The following TMEM131 variants were observed in gnomAD, a reference collection of about 807,000 sequenced individuals.
The protein encoded by TMEM131 is 2610524E03Rik.
In TMEM131, 66 loss-of-function variants were observed where a neutral mutation model predicts 211.6. The observed-to-expected ratio is 0.31, with a 90% CI of 0.26 to 0.38. The LOEUF is 0.38. Ranked by LOEUF, TMEM131 falls within the 10% of genes least tolerant of loss-of-function variation. The probability of loss-of-function intolerance (pLI) is 1.00; values close to 1 mark genes in which losing one functional copy is unlikely to be tolerated. For missense variants in TMEM131, 2,036 were observed against 2,299.3 expected (o/e 0.89, Z 2.34); for synonymous variants, 844 against 841.3 (o/e 1.00, Z -0.06).
At chr2:97,994,618 C>T (rs1042984478) in intron 1 of TMEM131, among the ~76,000 whole-genome samples, 32 of 151,960 alleles carry the variant, frequency 2.1e-4, no homozygotes, top group South Asian at 1.7e-3. Context: ...TTAAACTATT[C>T]ACTTAGTCAA....
chr2:97,985,715 A>G (rs140329145), intron 1 of TMEM131, among the ~76,000 whole-genome samples: 501 of 152,248 alleles, frequency 3.3e-3, no homozygotes, highest in Non-Finnish European at 5.8e-3. Context: ...AAAAAAATCA[A>G]GAAATAGATC....
chr2:97,881,276 T>C (rs2104204163), intron 4 of TMEM131, among the ~76,000 whole-genome samples: 1 of 152,054 alleles, frequency 6.6e-6, no homozygotes, highest in Non-Finnish European at 1.5e-5. Flanking sequence ...TCTGGCTCTG[T>C]TGCCCAGGCT....
intron 1 of TMEM131, among the ~76,000 whole-genome samples, chr2:97,974,298 C>T (rs575064487): frequency 2.0e-5 from 3 of 151,830 alleles, no homozygotes; most frequent in African/African-American, 4.8e-5. Flanking sequence ...AAATGGAACA[C>T]GCAGGAAAAG....
intron 2 of TMEM131, among the ~76,000 whole-genome samples, chr2:97,915,153 G>A (rs564665595): frequency 2.6e-5 from 4 of 152,244 alleles, no homozygotes; most frequent in Admixed American, 6.5e-5. Context: ...TCAGGGAAAT[G>A]TGTGCTCATC....
At chr2:97,958,335 T>A (rs1678666092) in intron 1 of TMEM131, among the ~76,000 whole-genome samples, 1 of 152,138 alleles carries the variant, frequency 6.6e-6, no homozygotes, top group African/African-American at 2.4e-5. Flanking sequence ...TCTACAAAGC[T>A]CAAGCTCAGG....
chr2:97,852,173 T>A (rs1436675869), intron 5 of TMEM131, among the ~76,000 whole-genome samples: 1 of 151,612 alleles, frequency 6.6e-6, no homozygotes, highest in Non-Finnish European at 1.5e-5. Flanking sequence ...TTTTTTTTTT[T>A]TTTTTTTGAG....
chr2:97,821,374 C>T (rs1413844652), intron 11 of TMEM131, among the ~76,000 whole-genome samples: 2 of 152,150 alleles, frequency 1.3e-5, no homozygotes, highest in Non-Finnish European at 2.9e-5. Flanking sequence ...GACCAATCAG[C>T]AGGACGCGGG....
intron 8 of TMEM131, 47 bp downstream of exon 8, chr2:97,837,030 T>G: frequency 6.9e-7 from 1 of 1,455,092 alleles, no homozygotes; most frequent in Non-Finnish European, 9.6e-7. Flanking sequence ...TTAAGAATAA[T>G]CGGTTTCATG....
At chr2:97,814,663 G>GA (rs1191734778) in intron 13 of TMEM131, among the ~76,000 whole-genome samples, 1 of 151,968 alleles carries the variant, frequency 6.6e-6, no homozygotes, top group Non-Finnish European at 1.5e-5. Flanking sequence ...GCTTTACTTT[G>GA]AAAAAAATCA....
chr2:97,831,770 G>C (rs1346794791), intron 11 of TMEM131, among the ~76,000 whole-genome samples: 1 of 140,760 alleles, frequency 7.1e-6, no homozygotes. Context: ...CTGAGGTTCA[G>C]GCAATTCTCC....
At chr2:97,808,878 C>A (rs892604134) in intron 19 of TMEM131, among the ~76,000 whole-genome samples, 1 of 152,104 alleles carries the variant, frequency 6.6e-6, no homozygotes, top group Non-Finnish European at 1.5e-5. Context: ...TTGAAAGACA[C>A]GCAGGAGTTC....
intron 2 of TMEM131, among the ~76,000 whole-genome samples, chr2:97,923,023 T>C (rs1461510640): frequency 6.6e-6 from 1 of 152,264 alleles, no homozygotes; most frequent in South Asian, 2.1e-4. Flanking sequence ...GCACAGTGGC[T>C]CACACCTGTA....
intron 4 of TMEM131, among the ~76,000 whole-genome samples, chr2:97,885,334 G>A (rs1239112318): frequency 6.6e-6 from 1 of 150,544 alleles, no homozygotes; most frequent in African/African-American, 2.5e-5. Flanking sequence ...TGGGACTACA[G>A]GCGCCCGCCA....
intron 15 of TMEM131, among the ~76,000 whole-genome samples, chr2:97,813,722 AG>A (rs1681676329): frequency 6.6e-6 from 1 of 152,210 alleles, no homozygotes; most frequent in African/African-American, 2.4e-5. Context: ...AGCATATCCA[AG>A]AGAAAGCAGA....
At chr2:97,975,580 T>C (rs75328897) in intron 1 of TMEM131, among the ~76,000 whole-genome samples, 8 of 152,026 alleles carry the variant, frequency 5.3e-5, no homozygotes, top group African/African-American at 1.9e-4. Flanking sequence ...CAGGAAGAAA[T>C]AGATAACCTG....
chr2:97,856,084 T>C (rs1197260683), intron 5 of TMEM131, among the ~76,000 whole-genome samples: 4 of 152,130 alleles, frequency 2.6e-5, no homozygotes, highest in African/African-American at 9.7e-5. Context: ...TTCTAGTCAA[T>C]AAAGAAAACA....
chr2:97,932,908 T>C (rs912343211), intron 1 of TMEM131, among the ~76,000 whole-genome samples: 2 of 152,232 alleles, frequency 1.3e-5, no homozygotes, highest in Admixed American at 1.3e-4. Context: ...TGGTCAACGA[T>C]GGACTGCATA....
chr2:97,839,358 ACC>A (rs1683088785), intron 7 of TMEM131, among the ~76,000 whole-genome samples: 2 of 138,254 alleles, frequency 1.4e-5, no homozygotes, highest in African/African-American at 5.6e-5. Context: ...CAACCAACCA[ACC>A]AAAAAAACCC....
chr2:97,769,362 T>C (rs1381585322), intron 33 of TMEM131, among the ~76,000 whole-genome samples: 1 of 152,174 alleles, frequency 6.6e-6, no homozygotes, highest in African/African-American at 2.4e-5. Flanking sequence ...GATTTCGTAT[T>C]CTTTTTATTT....
Sources: allele counts gnomAD v4.1 joint callset (sites outside exome capture counted in the v4.1 genomes callset), GRCh38; gene constraint gnomAD v4.1.1; transcripts MANE v1.5; gene names NCBI Gene and HGNC (gene_info 2026-07-23, HGNC 2026-07-21).